AGBL4: variants seen among roughly 807,000 people sequenced by gnomAD.
AGBL4 encodes AGBL carboxypeptidase 4, also known as cytosolic carboxypeptidase 6.
AGBL4 carries 58 observed loss-of-function variants against 66.4 expected under a neutral mutation model. That is an observed-to-expected ratio of 0.87 (90% CI 0.71 to 1.09). AGBL4 has a LOEUF of 1.09. Among genes scored for constraint, AGBL4 ranks in the 50% least tolerant of loss-of-function variants. The pLI is 0.00. For missense variants in AGBL4, 579 were observed against 631.0 expected (o/e 0.92, Z 0.88); for synonymous variants, 234 against 222.9 (o/e 1.05, Z -0.44).
chr1:49,208,759 A>G (rs1004172744), intron 4 of AGBL4, among the ~76,000 whole-genome samples: 2 of 152,128 alleles, frequency 1.3e-5, no homozygotes, highest in Non-Finnish European at 2.9e-5. Context: ...AATTAATTCA[A>G]ATCATTGTTC....
chr1:48,713,371 A>G (rs1646997501), intron 6 of AGBL4, among the ~76,000 whole-genome samples: 1 of 152,176 alleles, frequency 6.6e-6, no homozygotes, highest in South Asian at 2.1e-4. Flanking sequence ...GGTTTCAGTC[A>G]GGAGGACTAT....
intron 6 of AGBL4, among the ~76,000 whole-genome samples, chr1:48,700,517 A>G (rs1646784793): frequency 6.6e-6 from 1 of 152,246 alleles, no homozygotes; most frequent in South Asian, 2.1e-4. Context: ...AGGGAAATGT[A>G]AAATGATGTC....
At chr1:49,875,485 C>A (rs1646971765) in intron 1 of AGBL4, among the ~76,000 whole-genome samples, 1 of 145,174 alleles carries the variant, frequency 6.9e-6, no homozygotes, top group African/African-American at 2.6e-5. Flanking sequence ...AGGACATGAA[C>A]TCATCATTTT....
intron 4 of AGBL4, among the ~76,000 whole-genome samples, chr1:49,178,970 A>C (rs1408990964): frequency 1.3e-5 from 2 of 152,206 alleles, no homozygotes; most frequent in Non-Finnish European, 2.9e-5. Flanking sequence ...CATCAAGATG[A>C]AGGCAAATCT....
At chr1:49,422,323 C>G (rs1399690359) in intron 3 of AGBL4, among the ~76,000 whole-genome samples, 2 of 152,234 alleles carry the variant, frequency 1.3e-5, no homozygotes, top group Admixed American at 1.3e-4. Context: ...CTCTGCACAT[C>G]CTTAAAATTT....
chr1:48,952,263 C>A (rs1468353682), intron 5 of AGBL4, among the ~76,000 whole-genome samples: 3 of 152,196 alleles, frequency 2.0e-5, no homozygotes, highest in Non-Finnish European at 4.4e-5. Flanking sequence ...AACTGCTAGG[C>A]ACTATGCTAG....
At chr1:49,404,675 T>C (rs1026137287) in intron 3 of AGBL4, among the ~76,000 whole-genome samples, 1 of 152,230 alleles carries the variant, frequency 6.6e-6, no homozygotes, top group African/African-American at 2.4e-5. Flanking sequence ...ACTGAGTGTT[T>C]ACAAAATTAT....
At chr1:48,776,920 CT>C in intron 6 of AGBL4, 1 of 613,504 alleles carries the variant, frequency 1.6e-6, no homozygotes, top group Non-Finnish European at 2.6e-6. Context: ...GCGAGTCTCG[CT>C]ACGGTGCTGG....
At chr1:50,016,055 A>T (rs1345881705) in intron 1 of AGBL4, among the ~76,000 whole-genome samples, 1 of 152,228 alleles carries the variant, frequency 6.6e-6, no homozygotes, top group Non-Finnish European at 1.5e-5. Flanking sequence ...ACCATTTTGC[A>T]CATAGGCCCT....
chr1:49,896,453 G>A (rs1160247008), intron 1 of AGBL4, among the ~76,000 whole-genome samples: 1 of 142,440 alleles, frequency 7.0e-6, no homozygotes, highest in Admixed American at 7.3e-5. Context: ...GCTGAAACCT[G>A]ATGGCTTCAC....
chr1:49,609,026 T>G (rs1392495724), intron 3 of AGBL4, among the ~76,000 whole-genome samples: 1 of 152,170 alleles, frequency 6.6e-6, no homozygotes, highest in Non-Finnish European at 1.5e-5. Context: ...ACACAGGATT[T>G]GAACCCAGAC....
In AGBL4 at chr1:49,027,467, A is replaced by C. The variant is rs531360549; in HGVS notation, c.594+18117T>G. 3.3e-5 allele frequency among the ~76,000 whole-genome samples: 5 copies of C among 152,148 alleles called. No homozygotes were observed. The South Asian group carries it at 1.0e-3, about 32-fold the overall frequency. On this transcript the variant is annotated intron_variant, in intron 5 of 13. Transcript: ENST00000371839. ...CATGAGCCACCGTGCCCAGCCTAAA[A>C]ATTATTTTTAAAAACAATCATTTGA...
At chr1:48,837,781 C>T (rs1484825455) in intron 6 of AGBL4, among the ~76,000 whole-genome samples, 19 of 131,688 alleles carry the variant, frequency 1.4e-4, no homozygotes, top group African/African-American at 5.1e-4. Flanking sequence ...CTGACTAATA[C>T]AGTGAGTGTG....
chr1:49,941,853 T>A (rs976117887), intron 1 of AGBL4, among the ~76,000 whole-genome samples: 4 of 152,036 alleles, frequency 2.6e-5, no homozygotes, highest in Non-Finnish European at 5.9e-5. Context: ...TCATCACTTG[T>A]ATTCAATACA....
chr1:48,568,924 A>T (rs1226780900), intron 11 of AGBL4, among the ~76,000 whole-genome samples: 1 of 152,206 alleles, frequency 6.6e-6, no homozygotes, highest in African/African-American at 2.4e-5. Flanking sequence ...TTCCTGACTC[A>T]TTACTGGGTC....
chr1:49,414,198 C>T (rs530087536), intron 3 of AGBL4, among the ~76,000 whole-genome samples: 36 of 152,116 alleles, frequency 2.4e-4, no homozygotes, highest in African/African-American at 8.7e-4. Flanking sequence ...GACACATACA[C>T]ATATATATAA....
intron 3 of AGBL4, among the ~76,000 whole-genome samples, chr1:49,413,344 G>T (rs891411439): frequency 6.6e-6 from 1 of 152,136 alleles, no homozygotes; most frequent in African/African-American, 2.4e-5. Flanking sequence ...TGACCTCAAG[G>T]CATTTATGGT....
chr1:48,569,370 G>A (rs781189381), intron 11 of AGBL4, among the ~76,000 whole-genome samples: 4 of 152,180 alleles, frequency 2.6e-5, no homozygotes, highest in Non-Finnish European at 4.4e-5. Context: ...TCTGTTTTGT[G>A]TTTTTCACTC....
intron 8 of AGBL4, among the ~76,000 whole-genome samples, chr1:48,651,207 G>T (rs1360513705): frequency 6.6e-6 from 1 of 152,122 alleles, no homozygotes; most frequent in African/African-American, 2.4e-5. Context: ...AGAATGTTGG[G>T]GGTTGAAGCT....
Sources: gnomAD v4.1 joint callset for allele counts (sites outside exome capture counted in the v4.1 genomes callset) on GRCh38, gnomAD v4.1.1 for gene constraint, MANE v1.5 for transcripts, NCBI Gene and HGNC (gene_info 2026-07-23, HGNC 2026-07-21) for gene names.